The following METTL22 variants were observed in gnomAD, a reference collection of about 807,000 sequenced individuals.
The protein encoded by METTL22 is methyltransferase 22, Kin17 lysine, also known as methyltransferase-like protein 22.
In METTL22, 51 loss-of-function variants were observed where a neutral mutation model predicts 48.4. The observed-to-expected ratio is 1.05, with a 90% CI of 0.84 to 1.33. The LOEUF (loss-of-function observed/expected upper bound fraction) is 1.33, where lower values mean the gene tolerates loss of function less well. Ranked by LOEUF, METTL22 falls within the 40% of genes most tolerant of loss-of-function variation. The pLI, the probability that METTL22 is intolerant of heterozygous loss-of-function variation, is 0.00. For synonymous variants in METTL22, 255 were observed against 214.1 expected (o/e 1.19, Z -1.67); for missense variants, 678 against 526.9 (o/e 1.29, Z -2.81).
downstream of METTL22, among the ~76,000 whole-genome samples, chr16:8,650,911 C>G (rs2056884841): frequency 6.6e-6 from 1 of 152,140 alleles, no homozygotes; most frequent in Non-Finnish European, 1.5e-5. Context: ...GTAATTCCAG[C>G]TACTCTGGAG....
the METTL22 span, among the ~76,000 whole-genome samples, chr16:8,656,179 T>C: frequency 2.0e-5 from 3 of 152,148 alleles, no homozygotes; most frequent in African/African-American, 7.2e-5. Context: ...CTGCTTGGGC[T>C]CAAACAGTCT....
chr16:8,635,455 A>G (rs189844414), intron 5 of METTL22, 143 bp downstream of exon 5: 34 of 989,152 alleles, frequency 3.4e-5, no homozygotes, highest in Non-Finnish European at 1.4e-5. Context: ...GGCCCTCTCC[A>G]CTCTCCATTT....
chr16:8,629,120 G>A lies in METTL22; in HGVS notation c.514+10G>A, dbSNP rs1171534328. The A allele has an allele frequency of 3.7e-6, 6 of 1,605,730 alleles. No homozygotes were observed. Among genetic ancestry groups the A allele is most frequent in the Non-Finnish European group, 5.1e-6 (6 of 1,176,214 alleles). On this transcript the variant is annotated intron_variant, in intron 3 of 10. Coordinates refer to ENST00000381920, the MANE Select transcript of METTL22 (RefSeq NM_024109.4). Reference sequence around the variant, plus strand: ...GATATCATCAGAATAGGTAAATAGAGGTGTGATGTGGCCCACCTGTCACCA... The same window carrying A: ...GATATCATCAGAATAGGTAAATAGAAGTGTGATGTGGCCCACCTGTCACCA...
chr16:8,635,163 T>G lies in METTL22; in HGVS notation c.556-5T>G, dbSNP rs2056384739. 6.2e-7 allele frequency: 1 copy of G among 1,613,004 alleles called. No homozygotes were observed. Among genetic ancestry groups the G allele is most frequent in the African/African-American group, 1.3e-5 (1 of 74,922 alleles). ...GCTTGTCGCTCCTTGTCCTCTTCCCTCCAGGTGTGGCGGGGCGCCCTGCTC... is the reference window on the plus strand; with the variant it reads ...GCTTGTCGCTCCTTGTCCTCTTCCCGCCAGGTGTGGCGGGGCGCCCTGCTC... On this transcript the variant is annotated splice_polypyrimidine_tract_variant and splice_region_variant and intron_variant, in intron 4 of 10. Coordinates refer to ENST00000381920, the MANE Select transcript of METTL22 (RefSeq NM_024109.4).
At chr16:8,625,210 C>T (rs982528904) in intron 1 of METTL22, among the ~76,000 whole-genome samples, 3 of 151,828 alleles carry the variant, frequency 2.0e-5, no homozygotes, top group African/African-American at 7.3e-5. Flanking sequence ...ACTCTCAGCT[C>T]AAGGAGAAGA....
In METTL22 at chr16:8,646,401, C is replaced by T. The variant is rs910352918; in HGVS notation, c.*258C>T. The T allele has an allele frequency of 1.3e-5, 9 of 679,772 alleles. No homozygotes were observed. Among genetic ancestry groups the T allele is most frequent in the Admixed American group, 8.1e-5 (4 of 49,172 alleles). The allele number at this position is 679,772 out of a possible 1,614,324, so 42.1% of individuals were successfully genotyped here. On this transcript the variant is annotated 3_prime_UTR_variant, in exon 11 of 11. Coordinates refer to ENST00000381920, the MANE Select transcript of METTL22 (RefSeq NM_024109.4). ...TGTGATGTGTGCTCCAGGGTCAAGCCGAGCCACGTTCCTTCTCAGCTCAGT... is the reference window on the plus strand; with the variant it reads ...TGTGATGTGTGCTCCAGGGTCAAGCTGAGCCACGTTCCTTCTCAGCTCAGT...
intron 10 of METTL22, chr16:8,644,971 ATTCCCCCCGTTGGACAG>A (rs1425017886): frequency 1.1e-5 from 4 of 375,636 alleles, no homozygotes; most frequent in Non-Finnish European, 1.9e-5. Flanking sequence ...TATAGCACAT[ATTCCCCCCGTTGGACAG>A]TTCAGACTCC....
chr16:8,646,308 C>T lies in METTL22; in HGVS notation c.*165C>T. ...GGTTTTCTGGGGTCTGTCCCTGCCT[C>T]CCAGTTGTAGCCAGAGAAGGTTGTT... is the stretch of plus-strand genomic sequence containing the variant. On this transcript the variant is annotated 3_prime_UTR_variant, in exon 11 of 11. Coordinates refer to ENST00000381920, the MANE Select transcript of METTL22 (RefSeq NM_024109.4). 1.2e-6 allele frequency: 1 copy of T among 862,232 alleles called. No individual in the cohort carries two copies. The highest frequency in any genetic ancestry group is 1.9e-6 in the Non-Finnish European group (1 of 528,556). The allele number at this position is 862,232 out of a possible 1,614,324, so 53.4% of individuals were successfully genotyped here. A position where few individuals can be genotyped will look rare whatever the true frequency, so the allele number is the denominator to read the frequency against.
At chr16:8,643,176 A>G (rs1183416778) in intron 9 of METTL22, among the ~76,000 whole-genome samples, 2 of 152,204 alleles carry the variant, frequency 1.3e-5, no homozygotes, top group South Asian at 4.1e-4. Context: ...AGACTTCTTC[A>G]CCCAGCAATT....
At position 8,639,001 on chromosome 16, in the gene METTL22, C is replaced by T. The variant is rs1051852685; in HGVS notation, c.701-90C>T. ...CGTTTCTCTAATTTCTGCAGTTGTG[C>T]TGTTGATCACAGCTCTCTCTAGGCA... On this transcript the variant is annotated intron_variant, in intron 5 of 10. Coordinates refer to ENST00000381920, the MANE Select transcript of METTL22 (RefSeq NM_024109.4). The T allele has an allele frequency of 5.0e-5, 63 of 1,257,642 alleles. No individual in the cohort carries two copies. In the African/African-American group the frequency reaches 9.1e-4, roughly 18 times the overall value. 77.9% of individuals were successfully genotyped at this position (1,257,642 alleles called of 1,614,324 possible).
chr16:8,656,090 A>C, the METTL22 span, among the ~76,000 whole-genome samples: 1 of 152,138 alleles, frequency 6.6e-6, no homozygotes, highest in African/African-American at 2.4e-5. Context: ...TTGTTGTTTT[A>C]GAGACAGGTC....
At chr16:8,634,935 C>T (rs2056375463) in intron 3 of METTL22, 104 bp from the exon 4 acceptor site, 2 of 1,460,662 alleles carry the variant, frequency 1.4e-6, no homozygotes, top group Admixed American at 1.7e-5. Context: ...CAACCTCTGA[C>T]GCCCATCTGA....
At chr16:8,660,414 A>G in the METTL22 span, among the ~76,000 whole-genome samples, 2 of 151,860 alleles carry the variant, frequency 1.3e-5, no homozygotes, top group Admixed American at 1.3e-4. Context: ...CCTGACCTCA[A>G]GTGATCCGCC....
intron 3 of METTL22, among the ~76,000 whole-genome samples, chr16:8,634,313 T>C (rs2056358115): frequency 6.6e-6 from 1 of 152,200 alleles, no homozygotes. Context: ...CACTTAAAAA[T>C]ACTTGAGCAA....
At chr16:8,655,740 A>C in the METTL22 span, among the ~76,000 whole-genome samples, 1 of 152,376 alleles carries the variant, frequency 6.6e-6, no homozygotes, top group African/African-American at 2.4e-5. Flanking sequence ...TGTGATGCAG[A>C]GATCGTGTTC....
the METTL22 span, among the ~76,000 whole-genome samples, chr16:8,662,223 T>TA: frequency 3.3e-4 from 48 of 144,952 alleles, 5 homozygotes; most frequent in African/African-American, 1.2e-3. Flanking sequence ...GCCTGGGCAA[T>TA]AGAGCGAGAC....
intron 5 of METTL22, among the ~76,000 whole-genome samples, chr16:8,638,812 G>A (rs1452080570): frequency 6.6e-6 from 1 of 152,104 alleles, no homozygotes; most frequent in Non-Finnish European, 1.5e-5. Context: ...AAGTGCACGC[G>A]TGTTGCATGT....
chr16:8,639,262 G>T, intron 6 of METTL22, 100 bp downstream of exon 6: 1 of 1,200,874 alleles, frequency 8.3e-7, no homozygotes, highest in Non-Finnish European at 1.2e-6. Context: ...GGCTCCGTCT[G>T]TGTCCCTTGC....
chr16:8,665,560 G>C, the METTL22 span, among the ~76,000 whole-genome samples: 10 of 152,206 alleles, frequency 6.6e-5, no homozygotes, highest in Admixed American at 6.5e-4. Context: ...CGTAGGACAG[G>C]TATTTGAAAC....
Sources: allele counts gnomAD v4.1 joint callset (sites outside exome capture counted in the v4.1 genomes callset), GRCh38; gene constraint gnomAD v4.1.1; transcripts MANE v1.5; gene names NCBI Gene and HGNC (gene_info 2026-07-23, HGNC 2026-07-21).